Variants in EFR3A observed in about 807,000 individuals in gnomAD.
EFR3A encodes the protein EFR3 homolog A.
A neutral mutation model predicts 104.4 loss-of-function variants in EFR3A; 76 were observed. The observed-to-expected ratio is 0.73, with a 90% confidence interval of 0.60 to 0.88. EFR3A has a LOEUF of 0.88. EFR3A is among the 40% of genes least tolerant of loss of function. The probability of loss-of-function intolerance (pLI) is 0.00; values close to 1 mark genes in which losing one functional copy is unlikely to be tolerated. For synonymous variants in EFR3A, 330 were observed against 330.0 expected (o/e 1.00, Z 0.00); for missense variants, 985 against 1,012.5 (o/e 0.97, Z 0.37).
chr8:131,929,931 A>G lies in EFR3A; in HGVS notation c.11-10568A>G, dbSNP rs1817501367. Among the ~76,000 whole-genome samples, 4 of 152,240 alleles carry G rather than the reference A, an allele frequency of 2.6e-5. No individual in the cohort carries two copies. The South Asian group carries it at 6.2e-4, about 24-fold the overall frequency. On this transcript the variant is annotated intron_variant, in intron 1 of 22. Coordinates refer to ENST00000254624, the MANE Select transcript of EFR3A (RefSeq NM_015137.6). ...TTTGTCCATTATCAGTCTTTCTGTT[A>G]CTTTTCCTCCAAATCTAAACTTTCC...
At chr8:131,957,949 A>G (rs1303370395) in intron 7 of EFR3A, among the ~76,000 whole-genome samples, 4 of 152,146 alleles carry the variant, frequency 2.6e-5, no homozygotes, top group African/African-American at 9.6e-5. Context: ...AAAATTTTAT[A>G]TTTAAGTTTA....
intron 7 of EFR3A, 31 bp downstream of exon 7, chr8:131,955,936 T>G: frequency 6.2e-7 from 1 of 1,609,400 alleles, no homozygotes; most frequent in South Asian, 1.1e-5. Context: ...TGGTTATTTG[T>G]GATTTTGCTG....
At chr8:131,904,419 C>T in intron 1 of EFR3A, 97 bp downstream of exon 1, 5 of 1,133,590 alleles carry the variant, frequency 4.4e-6, no homozygotes, top group Non-Finnish European at 5.6e-6. Context: ...GGAGGCTGGG[C>T]CGCGCTGAGC....
At chr8:131,909,492 G>C (rs1002599596) in intron 1 of EFR3A, among the ~76,000 whole-genome samples, 4 of 152,174 alleles carry the variant, frequency 2.6e-5, no homozygotes, top group African/African-American at 9.7e-5. Flanking sequence ...GCTGCAGTGA[G>C]CTATGGTCTC....
intron 19 of EFR3A, among the ~76,000 whole-genome samples, chr8:131,997,980 T>C (rs771351600): frequency 5.9e-5 from 9 of 152,068 alleles, no homozygotes; most frequent in Admixed American, 4.6e-4. Flanking sequence ...TCTGTTAATA[T>C]TTTTATTAAC....
rs369911646 is a variant in EFR3A, at chr8:131,940,598, A to G, written c.87+23A>G. On this transcript the variant is annotated intron_variant, in intron 2 of 22. Transcript: ENST00000254624. ...AAAGTAATTTGATCTACATCTACTG[A>G]TCCTTCTCTTTGCTGACCCATTCTG... 1.3e-5 allele frequency: 20 copies of G among 1,591,908 alleles called. No individual in the cohort carries two copies. In the African/African-American group the frequency reaches 1.6e-4, roughly 13 times the overall value.
At chr8:131,913,961 T>A (rs963792202) in intron 1 of EFR3A, among the ~76,000 whole-genome samples, 1 of 152,248 alleles carries the variant, frequency 6.6e-6, no homozygotes, top group African/African-American at 2.4e-5. Context: ...ACTAACTTTT[T>A]AACCCACTAA....
rs1163906322 is a variant in EFR3A at position 131,957,002 on chromosome 8, G to A, written c.776+1097G>A. ...AAAAATCTAGAGAGCTAGCTTGGAA[G>A]AAAGAATTTACCAAATAAGTTGTAC... is the stretch of plus-strand genomic sequence containing the variant. On this transcript the variant is annotated intron_variant, in intron 7 of 22. Transcript: ENST00000254624. 2.6e-5 allele frequency among the ~76,000 whole-genome samples: 4 copies of A among 152,084 alleles called. No homozygotes were observed. In the East Asian group the frequency reaches 7.7e-4, roughly 29 times the overall value.
chr8:131,938,383 GTC>G (rs1404238473), intron 1 of EFR3A: 6 of 394,096 alleles, frequency 1.5e-5, no homozygotes. Context: ...TTATTTAAAA[GTC>G]TATATAGTAA....
chr8:131,944,893 T>G, intron 3 of EFR3A, 21 bp downstream of exon 3: 2 of 1,597,658 alleles, frequency 1.3e-6, no homozygotes, highest in Non-Finnish European at 1.7e-6. Flanking sequence ...TAATGGCTGC[T>G]AAAATAGTAT....
In EFR3A at chr8:131,976,197, G is replaced by A. The variant is rs868363104; in HGVS notation, c.1274+56G>A. 20 of 1,105,614 alleles carry A rather than the reference G, an allele frequency of 1.8e-5. 1 individual carries two copies. The Middle Eastern group carries it at 1.5e-3, about 84-fold the overall frequency. The allele number at this position is 1,105,614 out of a possible 1,614,324, so 68.5% of individuals were successfully genotyped here. A position where few individuals can be genotyped will look rare whatever the true frequency, so the allele number is the denominator to read the frequency against. On this transcript the variant is annotated intron_variant, in intron 11 of 22. Coordinates refer to ENST00000254624, the MANE Select transcript of EFR3A (RefSeq NM_015137.6). ...ATCTTGAGTTACATTTTATCCTAAC[G>A]AAATCTAGAAAATGTTAACGTTTTG... is the stretch of plus-strand genomic sequence containing the variant.
intron 1 of EFR3A, among the ~76,000 whole-genome samples, chr8:131,913,840 C>T (rs188304596): frequency 3.3e-4 from 50 of 152,258 alleles, no homozygotes; most frequent in Admixed American, 1.5e-3. Flanking sequence ...GTTGTCATTT[C>T]CTGGAATCTC....
At chr8:131,974,657 C>A (rs1253780463) in intron 10 of EFR3A, among the ~76,000 whole-genome samples, 1 of 152,052 alleles carries the variant, frequency 6.6e-6, no homozygotes. Flanking sequence ...GGTTATTTTG[C>A]GGATCCAAAT....
intron 18 of EFR3A, among the ~76,000 whole-genome samples, chr8:131,996,076 TACTTCCTTCATTTGCTGTTACATTG>T (rs1284084480): frequency 2.0e-5 from 3 of 152,214 alleles, no homozygotes; most frequent in African/African-American, 7.2e-5. Flanking sequence ...TTAGATTATG[TACTTCCTTCATTTGCTGTTACATTG>T]ACTTGCTTTT....
At chr8:131,931,339 TG>T (rs1817600240) in intron 1 of EFR3A, among the ~76,000 whole-genome samples, 1 of 152,166 alleles carries the variant, frequency 6.6e-6, no homozygotes, top group East Asian at 1.9e-4. Flanking sequence ...ATGTTGATTT[TG>T]TTAGGGAGTT....
intron 6 of EFR3A, among the ~76,000 whole-genome samples, chr8:131,954,791 T>C (rs947516508): frequency 2.0e-5 from 3 of 151,952 alleles, no homozygotes; most frequent in African/African-American, 7.2e-5. Context: ...TTCAATTCTA[T>C]AGTTCTAAAT....
chr8:131,999,098 A>C (rs1043863244), intron 19 of EFR3A, among the ~76,000 whole-genome samples: 1 of 152,102 alleles, frequency 6.6e-6, no homozygotes, highest in South Asian at 2.1e-4. Context: ...TCTTCTCTCT[A>C]AAAGCTTATA....
chr8:131,953,552 AATAG>A (rs981200088), intron 5 of EFR3A, among the ~76,000 whole-genome samples: 1 of 152,108 alleles, frequency 6.6e-6, no homozygotes, highest in Non-Finnish European at 1.5e-5. Context: ...AAAATTGAAA[AATAG>A]ATATTTCTGT....
chr8:131,913,228 A>ATT (rs1269903910), intron 1 of EFR3A, among the ~76,000 whole-genome samples: 1 of 149,912 alleles, frequency 6.7e-6, no homozygotes, highest in Non-Finnish European at 1.5e-5. Context: ...TCCTCCTATG[A>ATT]TTAATATGTC....
Sources: allele counts gnomAD v4.1 joint callset (sites outside exome capture counted in the v4.1 genomes callset), GRCh38; gene constraint gnomAD v4.1.1; transcripts MANE v1.5; gene names NCBI Gene and HGNC (gene_info 2026-07-23, HGNC 2026-07-21).